Variants in DAOA observed in about 807,000 individuals in gnomAD.
DAOA encodes D-amino acid oxidase activator, also known as D-amino acid oxidase regulator.
In DAOA, 15 loss-of-function variants were observed where a neutral mutation model predicts 16.4. The observed-to-expected ratio is 0.91, with a 90% confidence interval of 0.61 to 1.41. DAOA has a LOEUF of 1.41. Among genes scored for constraint, DAOA ranks in the 40% most tolerant of loss-of-function variants. The pLI, the probability that DAOA is intolerant of heterozygous loss-of-function variation, is 0.00. For missense variants in DAOA, 230 were observed against 176.8 expected, an observed-to-expected ratio of 1.30 and a Z score of -1.71; for synonymous variants, 75 against 59.1, an observed-to-expected ratio of 1.27 and a Z score of -1.23.
intron 3 of DAOA, among the ~76,000 whole-genome samples, chr13:105,471,589 T>G (rs1264978496): frequency 6.6e-6 from 1 of 152,222 alleles, no homozygotes; most frequent in Non-Finnish European, 1.5e-5. Flanking sequence ...ATAAGGCATT[T>G]AAAGACATGG....
Position 105,490,098 on chromosome 13 carries a change from T to G in DAOA, c.*17T>G. 1.9e-6 allele frequency: 3 copies of G among 1,543,758 alleles called. No individual in the cohort carries two copies. Among genetic ancestry groups the G allele is most frequent in the African/African-American group, 2.7e-5 (2 of 72,890 alleles). On this transcript the variant is annotated 3_prime_UTR_variant, in exon 5 of 6. Transcript: ENST00000375936. ...GCTGAATGAGTTTGGAAGCAGATTC[T>G]TCCCAGCCAATCCTTCTGATGACAA... is the stretch of plus-strand genomic sequence containing the variant.
chr13:105,487,741 G>A (rs1021990124), intron 4 of DAOA, among the ~76,000 whole-genome samples: 23 of 152,056 alleles, frequency 1.5e-4, no homozygotes, highest in Admixed American at 1.4e-3. Flanking sequence ...ATACAAAATA[G>A]TGAATTCCAA....
At chr13:105,467,518 C>T (rs1050161873) in intron 3 of DAOA, 12 of 158,406 alleles carry the variant, frequency 7.6e-5, no homozygotes, top group African/African-American at 1.4e-4. Context: ...TATCTATAGG[C>T]GCAAACCCAA....
intron 4 of DAOA, among the ~76,000 whole-genome samples, chr13:105,488,353 C>G (rs1269605206): frequency 6.6e-6 from 1 of 152,062 alleles, no homozygotes; most frequent in African/African-American, 2.4e-5. Flanking sequence ...TGAAGCAAAT[C>G]AAATTATTAA....
chr13:105,466,054 T>C lies in DAOA; in HGVS notation c.-80T>C. On this transcript the variant is annotated 5_prime_UTR_variant, in exon 1 of 6. The change abolishes an upstream ATG in the 5' untranslated region. Transcript: ENST00000375936. ...CCAGAAAGTAGAGTGAAGCAAGTAATGTGTGTGTGAGTAGTCATTGGATAC... is the reference window on the plus strand; with the variant it reads ...CCAGAAAGTAGAGTGAAGCAAGTAACGTGTGTGTGAGTAGTCATTGGATAC... 2.3e-6 allele frequency: 1 copy of C among 438,984 alleles called. No homozygotes were observed. The highest frequency in any genetic ancestry group is 3.9e-6 in the Non-Finnish European group (1 of 258,934). The allele number at this position is 438,984 out of a possible 1,614,324, so 27.2% of individuals were successfully genotyped here.
intron 4 of DAOA, among the ~76,000 whole-genome samples, chr13:105,476,050 A>G (rs554772884): frequency 9.9e-5 from 15 of 152,248 alleles, no homozygotes; most frequent in African/African-American, 2.9e-4. Context: ...ACTCTAAACA[A>G]TATTTATTGG....
rs543455323 is a variant in DAOA at position 105,466,348 on chromosome 13, T to A, written c.44+16T>A. 1 of 1,613,454 alleles carries A rather than the reference T, an allele frequency of 6.2e-7. No homozygotes were observed. The highest frequency in any genetic ancestry group is 1.7e-5 in the Admixed American group (1 of 59,924). On this transcript the variant is annotated intron_variant, in intron 2 of 5. Transcript: ENST00000375936. ...AGCTTTTCAGGTAGGTAGCTTGGGG[T>A]TTTTTACAGCATGGCGGCCTCAGTG...
chr13:105,468,330 GC>G (rs1239600806), intron 3 of DAOA, among the ~76,000 whole-genome samples: 6 of 152,098 alleles, frequency 3.9e-5, no homozygotes, highest in Non-Finnish European at 7.4e-5. Context: ...GCCTACCACA[GC>G]CCTTGATAGC....
chr13:105,471,520 C>A (rs1286299949), intron 3 of DAOA, among the ~76,000 whole-genome samples: 1 of 152,074 alleles, frequency 6.6e-6, no homozygotes, highest in East Asian at 1.9e-4. Flanking sequence ...GTGTTTGCTA[C>A]TTACTTGAAA....
At chr13:105,482,825 G>T (rs921737736) in intron 4 of DAOA, among the ~76,000 whole-genome samples, 1 of 152,018 alleles carries the variant, frequency 6.6e-6, no homozygotes, top group African/African-American at 2.4e-5. Flanking sequence ...GAGTTCAAAT[G>T]AAATTGTGAA....
At chr13:105,466,184 T>C (rs987649823) in intron 1 of DAOA, 32 bp from the exon 2 acceptor site, 3 of 1,557,224 alleles carry the variant, frequency 1.9e-6, no homozygotes, top group African/African-American at 1.4e-5. Context: ...AGTAAAAGCT[T>C]ACTAGTGTAT....
intron 4 of DAOA, among the ~76,000 whole-genome samples, chr13:105,482,762 C>G (rs1877842853): frequency 6.6e-6 from 1 of 152,002 alleles, no homozygotes. Flanking sequence ...TGCTTCTGCT[C>G]CTCAAAGTGC....
chr13:105,476,550 C>T (rs945217276), intron 4 of DAOA, among the ~76,000 whole-genome samples: 2 of 147,504 alleles, frequency 1.4e-5, no homozygotes, highest in Non-Finnish European at 3.0e-5. Flanking sequence ...AAAGGGAGGT[C>T]CACAGGCCTA....
intron 4 of DAOA, among the ~76,000 whole-genome samples, chr13:105,483,982 T>G (rs1340254048): frequency 2.6e-5 from 4 of 152,136 alleles, no homozygotes; most frequent in Admixed American, 2.6e-4. Context: ...GTTAGTCTCA[T>G]ATGTTTTCTT....
intron 4 of DAOA, 79 bp downstream of exon 4, chr13:105,472,764 C>A: frequency 7.4e-7 from 1 of 1,349,698 alleles, no homozygotes; most frequent in Non-Finnish European, 1.0e-6. Context: ...AGCAACTTCT[C>A]TGGGCTTTTT....
At chr13:105,481,978 C>T (rs183149622) in intron 4 of DAOA, among the ~76,000 whole-genome samples, 23 of 152,204 alleles carry the variant, frequency 1.5e-4, no homozygotes, top group African/African-American at 5.5e-4. Flanking sequence ...GAAGGCCTTA[C>T]AATTATGGCA....
At chr13:105,482,471 C>G (rs748931835) in intron 4 of DAOA, among the ~76,000 whole-genome samples, 11 of 149,962 alleles carry the variant, frequency 7.3e-5, no homozygotes, top group Non-Finnish European at 1.6e-4. Flanking sequence ...TTCTCAGTCT[C>G]TTTTGCCAGC....
chr13:105,487,279 C>G (rs1878185679), intron 4 of DAOA, among the ~76,000 whole-genome samples: 1 of 152,128 alleles, frequency 6.6e-6, no homozygotes, highest in Non-Finnish European at 1.5e-5. Context: ...CACTCCTCTC[C>G]TTCCCCAGGC....
intron 4 of DAOA, among the ~76,000 whole-genome samples, chr13:105,485,502 T>C (rs920708264): frequency 2.0e-5 from 3 of 152,232 alleles, no homozygotes; most frequent in Admixed American, 2.0e-4. Flanking sequence ...TTCTTTCCAC[T>C]AACCCTTATC....
Sources: allele counts gnomAD v4.1 joint callset (sites outside exome capture counted in the v4.1 genomes callset), GRCh38; gene constraint gnomAD v4.1.1; transcripts MANE v1.5; gene names NCBI Gene and HGNC (gene_info 2026-07-23, HGNC 2026-07-21).